IL7: variants seen among roughly 807,000 people sequenced by gnomAD.
The protein encoded by IL7 is interleukin 7, also known as interleukin-7.
In IL7, 3 loss-of-function variants were observed where a neutral mutation model predicts 21.6. The observed-to-expected ratio is 0.14, with a 90% confidence interval of 0.06 to 0.36. IL7 has a LOEUF of 0.36. Ranked by LOEUF, IL7 falls within the 10% of genes least tolerant of loss-of-function variation. IL7 has a pLI of 1.00. For synonymous variants in IL7, 62 were observed against 68.1 expected (o/e 0.91, Z 0.44); for missense variants, 175 against 200.2 (o/e 0.87, Z 0.76).
intron 2 of IL7, among the ~76,000 whole-genome samples, chr8:78,778,473 T>C (rs1813205465): frequency 6.6e-6 from 1 of 152,156 alleles, no homozygotes; most frequent in Non-Finnish European, 1.5e-5. Flanking sequence ...TAATGGAATA[T>C]TAAGGAAACA....
rs186731842 is a variant in IL7 at position 78,801,500 on chromosome 8, G to A, written c.11-3292C>T. ...TGAGCCTGGAAGTCAAGGCTGCCAT[G>A]AGCCATGATCTTACCGTGAGCCATG... On this transcript the variant is annotated intron_variant, in intron 1 of 5. Transcript: ENST00000263851. Among the ~76,000 whole-genome samples the A allele has an allele frequency of 9.8e-5, 15 of 152,290 alleles. No homozygotes were observed. In the East Asian group the frequency reaches 2.9e-3, roughly 29 times the overall value.
At chr8:78,769,864 C>T (rs1280853427) in intron 2 of IL7, among the ~76,000 whole-genome samples, 8 of 152,030 alleles carry the variant, frequency 5.3e-5, no homozygotes, top group Non-Finnish European at 7.4e-5. Context: ...AGAACAGAGG[C>T]CTCAGAAATA....
At chr8:78,797,170 C>T (rs1296581724) in intron 2 of IL7, among the ~76,000 whole-genome samples, 1 of 151,750 alleles carries the variant, frequency 6.6e-6, no homozygotes, top group African/African-American at 2.4e-5. Context: ...ACATACAGAC[C>T]GCATGATTCT....
At chr8:78,739,941 A>C in intron 3 of IL7, 61 bp downstream of exon 3, 1 of 1,424,112 alleles carries the variant, frequency 7.0e-7, no homozygotes, top group East Asian at 2.8e-5. Flanking sequence ...ACAGAGGCAC[A>C]AAAAATAGAA....
intron 2 of IL7, among the ~76,000 whole-genome samples, chr8:78,777,510 TG>T (rs923111491): frequency 6.6e-6 from 1 of 152,084 alleles, no homozygotes; most frequent in African/African-American, 2.4e-5. Context: ...CTCTTCCTTT[TG>T]GGAAACTACC....
chr8:78,728,752 G>A (rs891067104), downstream of IL7, among the ~76,000 whole-genome samples: 2 of 151,930 alleles, frequency 1.3e-5, no homozygotes, highest in South Asian at 4.1e-4. Context: ...GAGATCACTG[G>A]CATCTAATGG....
chr8:78,698,505 T>G (rs749816909), intron 3 of IL7: 1 of 1,605,620 alleles, frequency 6.2e-7, no homozygotes, highest in East Asian at 2.2e-5. Flanking sequence ...TAGCAGCCCC[T>G]CATGCAGGGT....
At chr8:78,721,624 A>G (rs1045122811) in intron 3 of IL7, among the ~76,000 whole-genome samples, 3 of 152,060 alleles carry the variant, frequency 2.0e-5, no homozygotes, top group African/African-American at 7.2e-5. Context: ...TACAGTTAAC[A>G]GTGAAATGCG....
chr8:78,675,680 T>C, downstream of IL7: 1 of 1,049,456 alleles, frequency 9.5e-7, no homozygotes, highest in Non-Finnish European at 1.4e-6. Flanking sequence ...AAAACATTTT[T>C]CACAAAAACT....
intron 5 of IL7, among the ~76,000 whole-genome samples, chr8:78,735,787 C>T (rs1288911516): frequency 6.6e-6 from 1 of 152,066 alleles, no homozygotes; most frequent in Non-Finnish European, 1.5e-5. Context: ...TTCCATGTTG[C>T]CATGTAGCTA....
At chr8:78,700,923 CATG>C (rs1810581734) in intron 3 of IL7, among the ~76,000 whole-genome samples, 1 of 152,162 alleles carries the variant, frequency 6.6e-6, no homozygotes, top group Non-Finnish European at 1.5e-5. Context: ...AGTCAGGCAG[CATG>C]ATGCCTCCAG....
downstream of IL7, among the ~76,000 whole-genome samples, chr8:78,730,051 C>A (rs1425234203): frequency 6.6e-6 from 1 of 151,884 alleles, no homozygotes; most frequent in African/African-American, 2.4e-5. Flanking sequence ...CAGTAATCAA[C>A]AATAATTTAA....
chr8:78,804,700 G>C (rs549669700), intron 1 of IL7, among the ~76,000 whole-genome samples: 80 of 152,322 alleles, frequency 5.3e-4, no homozygotes, highest in African/African-American at 1.8e-3. Flanking sequence ...AGCCTGCCAG[G>C]GGCAGCAGCC....
At chr8:78,746,952 C>T (rs1157480985) in intron 2 of IL7, 4 of 410,388 alleles carry the variant, frequency 9.7e-6, no homozygotes, top group Middle Eastern at 3.5e-4. Flanking sequence ...TCATATTTTT[C>T]TTTTCAGGAG....
At chr8:78,763,658 T>C (rs952089792) in intron 2 of IL7, among the ~76,000 whole-genome samples, 5 of 152,184 alleles carry the variant, frequency 3.3e-5, no homozygotes, top group Admixed American at 3.3e-4. Context: ...GGACTATATC[T>C]ATTCAAGAAA....
At chr8:78,723,162 C>G (rs1473294705) in intron 3 of IL7, among the ~76,000 whole-genome samples, 1 of 149,070 alleles carries the variant, frequency 6.7e-6, no homozygotes, top group Non-Finnish European at 1.5e-5. Context: ...GAATGTTTTT[C>G]CTCAAGTTAG....
In IL7 at chr8:78,732,920, A is replaced by C. The variant is rs1011671512; in HGVS notation, c.*793T>G. The C allele has an allele frequency of 9.9e-5, 15 of 151,660 alleles. No homozygotes were observed. The highest frequency in any genetic ancestry group is 3.4e-4 in the African/African-American group (14 of 41,264). The allele number at this position is 151,660 out of a possible 1,614,324, so 9.4% of individuals were successfully genotyped here. The stretch of plus-strand genomic sequence containing the variant: ...AATTAAAAGGTAAACATATATTATT[A>C]TCTTAAAAATATATCTCCCAAATTG... On this transcript the variant is annotated 3_prime_UTR_variant, in exon 6 of 6. Transcript: ENST00000263851.
chr8:78,756,584 GT>G lies in IL7; in HGVS notation c.148-16503del, dbSNP rs1227230302. 2.0e-5 allele frequency among the ~76,000 whole-genome samples: 3 copies of G among 151,750 alleles called. No individual in the cohort carries two copies. In the East Asian group the frequency reaches 5.8e-4, roughly 29 times the overall value. On this transcript the variant is annotated intron_variant, in intron 2 of 5. Transcript: ENST00000263851. ...TTAGGAATTGATTCATTTCCGCTAGGTTTTCCAATTTGTTAGTGTATAGTTG... is the reference window on the plus strand; with the variant it reads ...TTAGGAATTGATTCATTTCCGCTAGGTTTCCAATTTGTTAGTGTATAGTTG...
intron 3 of IL7, among the ~76,000 whole-genome samples, chr8:78,703,432 A>C (rs930001855): frequency 6.6e-6 from 1 of 152,080 alleles, no homozygotes; most frequent in African/African-American, 2.4e-5. Context: ...GGTCTCTAAG[A>C]ACTTGGTTTA....
Sources: allele counts gnomAD v4.1 joint callset (sites outside exome capture counted in the v4.1 genomes callset), GRCh38; gene constraint gnomAD v4.1.1; transcripts MANE v1.5; gene names NCBI Gene and HGNC (gene_info 2026-07-23, HGNC 2026-07-21).